Variants in ZNF782 observed in about 807,000 individuals in gnomAD.
ZNF782 encodes the protein zinc finger protein 782.
Under a neutral mutation model 13.0 loss-of-function variants are expected in ZNF782, and 12 were observed. That is an observed-to-expected ratio of 0.92 (90% CI 0.59 to 1.50). The LOEUF is 1.50. Among genes scored for constraint, ZNF782 ranks in the 40% most tolerant of loss-of-function variants. The probability of loss-of-function intolerance (pLI) is 0.00; values close to 1 mark genes in which losing one functional copy is unlikely to be tolerated. For missense variants in ZNF782, 770 were observed against 822.9 expected, an observed-to-expected ratio of 0.94 and a Z score of 0.79; for synonymous variants, 284 against 283.0, an observed-to-expected ratio of 1.00 and a Z score of -0.04.
At chr9:96,911,522 TTTTG>T in the ZNF782 span, among the ~76,000 whole-genome samples, 2,829 of 140,844 alleles carry the variant, frequency 0.02, 107 homozygotes, top group African/African-American at 0.074. Context: ...TTTTGTTTTG[TTTTG>T]TTTTTTTTTT....
chr9:96,818,217 T>G lies in ZNF782; in HGVS notation c.1806A>C (p.Lys602Asn). The change falls in exon 6 of 6, where the codon AAA becomes AAC. Residue 602 changes from lysine to asparagine, a missense_variant. By Grantham distance (94) the Lys-to-Asn change is moderately conservative. Coordinates refer to ENST00000481138, the MANE Select transcript of ZNF782 (RefSeq NM_001001662.3). The stretch of plus-strand genomic sequence containing the variant: ...TTCTCTGATGCCCTCTGAGATTTGA[T>G]TTCTGCCTGAATGTTTTTCCACACT... ...CEECGKTFRQKSNLRGHQRTH... is the reference protein window; with the variant it reads ...CEECGKTFRQNSNLRGHQRTH... 1 of 1,612,972 alleles carries G rather than the reference T, an allele frequency of 6.2e-7. No homozygotes were observed. Among genetic ancestry groups the G allele is most frequent in the Non-Finnish European group, 8.5e-7 (1 of 1,179,710 alleles).
At chr9:96,821,745 C>G (rs1850425750) in intron 5 of ZNF782, among the ~76,000 whole-genome samples, 1 of 150,878 alleles carries the variant, frequency 6.6e-6, no homozygotes, top group African/African-American at 2.4e-5. Context: ...GATCTCGGCT[C>G]ACTGCAAGCT....
At chr9:96,906,669 C>CCA in the ZNF782 span, among the ~76,000 whole-genome samples, 8 of 152,304 alleles carry the variant, frequency 5.3e-5, no homozygotes, top group African/African-American at 1.9e-4. Flanking sequence ...ATGCCACCCT[C>CCA]CAGGAACTTT....
At chr9:96,881,458 C>G in the ZNF782 span, among the ~76,000 whole-genome samples, 1 of 152,064 alleles carries the variant, frequency 6.6e-6, no homozygotes, top group Non-Finnish European at 1.5e-5. Context: ...GTAAATGATA[C>G]AAATTGTGAA....
chr9:96,818,397 A>C lies in ZNF782; in HGVS notation c.1626T>G (p.Ala542=). 6.2e-7 allele frequency: 1 copy of C among 1,614,004 alleles called. No homozygotes were observed. Among genetic ancestry groups the C allele is most frequent in the East Asian group, 2.2e-5 (1 of 44,852 alleles). The change falls in exon 6 of 6, where the codon GCT becomes GCG. Residue 542 remains alanine, a synonymous_variant. Coordinates refer to ENST00000481138, the MANE Select transcript of ZNF782 (RefSeq NM_001001662.3). ...CTCTGAGTTGTGATTTCTGACCGAAAGCTTTTCCACACTGATTACATTTGT... is the reference window on the plus strand; with the variant it reads ...CTCTGAGTTGTGATTTCTGACCGAACGCTTTTCCACACTGATTACATTTGT... ...KPYKCNQCGK[A]FGQKSQLRGH...
intron 1 of ZNF782, among the ~76,000 whole-genome samples, chr9:96,865,811 T>G (rs979945474): frequency 3.3e-5 from 5 of 152,198 alleles, no homozygotes; most frequent in African/African-American, 1.2e-4. Flanking sequence ...CAGATGGAGA[T>G]GAGGAACTTG....
the ZNF782 span, among the ~76,000 whole-genome samples, chr9:96,933,273 C>T: frequency 2.5e-3 from 376 of 151,964 alleles, 3 homozygotes; most frequent in Admixed American, 0.015. Context: ...CCACCGTGCC[C>T]GGCTTTTACT....
At chr9:96,913,564 C>T in the ZNF782 span, among the ~76,000 whole-genome samples, 5 of 150,638 alleles carry the variant, frequency 3.3e-5, no homozygotes, top group African/African-American at 1.2e-4. Flanking sequence ...TCTGATGATG[C>T]CCAAGCTGGA....
At chr9:96,880,447 A>G (rs1851948592), upstream of ZNF782, among the ~76,000 whole-genome samples, 1 of 152,148 alleles carries the variant, frequency 6.6e-6, no homozygotes, top group Non-Finnish European at 1.5e-5. Context: ...TTAGGTTGAG[A>G]AAGTTTTCTT....
chr9:96,916,333 TA>T, the ZNF782 span, among the ~76,000 whole-genome samples: 6 of 151,846 alleles, frequency 4.0e-5, no homozygotes, highest in African/African-American at 1.4e-4. Flanking sequence ...CCACAAAAAG[TA>T]CAAAAATTAG....
chr9:96,931,742 G>A, the ZNF782 span: 313 of 1,611,414 alleles, frequency 1.9e-4, no homozygotes, highest in Middle Eastern at 4.5e-4. Flanking sequence ...GCTGGGACCC[G>A]GCGTGACCGT....
At position 96,850,395 on chromosome 9, in the gene ZNF782, G is replaced by A. The variant is rs187740805; in HGVS notation, c.15+1552C>T. ...GAGGCTGTTATTCTAAGTATCACAG[G>A]AGTAGAAAACCAAACCGTACGTTCT... On this transcript the variant is annotated intron_variant, in intron 3 of 5. Transcript: ENST00000481138. The surrounding 1 kb of genome is among the most constrained non-coding windows in gnomAD (Gnocchi z 4.3). Among the ~76,000 whole-genome samples the A allele has an allele frequency of 2.6e-5, 4 of 152,238 alleles. No individual in the cohort carries two copies. In the East Asian group the frequency reaches 7.7e-4, roughly 29 times the overall value.
At chr9:96,878,962 G>C (rs190601557), upstream of ZNF782, among the ~76,000 whole-genome samples, 8 of 152,056 alleles carry the variant, frequency 5.3e-5, no homozygotes, top group African/African-American at 1.9e-4. Context: ...AAATGCTTAA[G>C]GTTAAACATC....
At chr9:96,875,472 A>G (rs73654627) in exon 1 of ZNF782, 18,306 of 456,646 alleles carry the variant, frequency 0.04, 1,458 homozygotes, top group African/African-American at 0.22. Flanking sequence ...GCTTACAGGT[A>G]ATAAAGCTGG....
chr9:96,913,973 C>CAAA, the ZNF782 span, among the ~76,000 whole-genome samples: 7 of 97,494 alleles, frequency 7.2e-5, no homozygotes, highest in African/African-American at 1.9e-4. Context: ...GACCTTGTCT[C>CAAA]AAAAAAAAAA....
chr9:96,851,900 C>T, intron 3 of ZNF782, 47 bp downstream of exon 3: 2 of 1,586,702 alleles, frequency 1.3e-6, no homozygotes, highest in South Asian at 1.1e-5. Flanking sequence ...ATCTAAACCT[C>T]ATAAAATCCA....
intron 3 of ZNF782, among the ~76,000 whole-genome samples, chr9:96,845,500 G>A (rs951506781): frequency 4.6e-5 from 7 of 152,106 alleles, no homozygotes; most frequent in African/African-American, 1.7e-4. Flanking sequence ...CTCATGATCC[G>A]CCCACCTTGG....
the ZNF782 span, among the ~76,000 whole-genome samples, chr9:96,880,708 T>C: frequency 6.6e-6 from 1 of 152,212 alleles, no homozygotes; most frequent in Non-Finnish European, 1.5e-5. Context: ...TTGTAAACTT[T>C]GTGTCCATGT....
chr9:96,849,233 T>C (rs1324070396), intron 3 of ZNF782, among the ~76,000 whole-genome samples: 1 of 152,210 alleles, frequency 6.6e-6, no homozygotes, highest in East Asian at 1.9e-4. Context: ...TAGATTCTCA[T>C]AAGAAGCACC....
Sources: allele counts gnomAD v4.1 joint callset (sites outside exome capture counted in the v4.1 genomes callset), GRCh38; gene constraint gnomAD v4.1.1; non-coding constraint Gnocchi (gnomAD v3.1); transcripts MANE v1.5; gene names NCBI Gene and HGNC (gene_info 2026-07-23, HGNC 2026-07-21).